SUPT3H: variants seen among roughly 807,000 people sequenced by gnomAD.
SUPT3H encodes the protein SPT3 homolog, SAGA and STAGA complex component.
In SUPT3H, 44 loss-of-function variants were observed where a neutral mutation model predicts 44.3. That is an observed-to-expected ratio of 0.99 (90% CI 0.78 to 1.28). The LOEUF (loss-of-function observed/expected upper bound fraction) is 1.28, where lower values mean the gene tolerates loss of function less well. SUPT3H is among the 50% of genes most tolerant of loss of function. The probability of loss-of-function intolerance (pLI) is 0.00; values close to 1 mark genes in which losing one functional copy is unlikely to be tolerated. For missense variants in SUPT3H, 380 were observed against 387.1 expected, an observed-to-expected ratio of 0.98 and a Z score of 0.15; for synonymous variants, 124 against 125.6, an observed-to-expected ratio of 0.99 and a Z score of 0.09.
At chr6:45,201,495 C>T (rs1200598408) in intron 2 of SUPT3H, among the ~76,000 whole-genome samples, 1 of 151,706 alleles carries the variant, frequency 6.6e-6, no homozygotes, top group Non-Finnish European at 1.5e-5. Flanking sequence ...TATATCAACA[C>T]ACTCTGTAAA....
Position 44,948,171 on chromosome 6 carries a change from G to A in SUPT3H, c.801+5139C>T, listed in dbSNP as rs141421610. On this transcript the variant is annotated intron_variant, in intron 9 of 10. Transcript: ENST00000371459. ...TCCATTGGTGTATATCTCTGTTTTGGTACCAGTACCATTCTGTTTTGGTTA... is the reference window on the plus strand; with the variant it reads ...TCCATTGGTGTATATCTCTGTTTTGATACCAGTACCATTCTGTTTTGGTTA... Among the ~76,000 whole-genome samples, 16 of 152,066 alleles carry A rather than the reference G, an allele frequency of 1.1e-4. No homozygotes were observed. The East Asian group carries it at 3.1e-3, about 29-fold the overall frequency.
chr6:45,155,398 G>A (rs1179655246), intron 2 of SUPT3H, among the ~76,000 whole-genome samples: 1 of 152,062 alleles, frequency 6.6e-6, no homozygotes, highest in African/African-American at 2.4e-5. Flanking sequence ...TGGGGGAAAG[G>A]GAGATGAGGG....
At chr6:45,288,577 ATATATG>A in intron 2 of SUPT3H, among the ~76,000 whole-genome samples, 1 of 35,904 alleles carries the variant, frequency 2.8e-5, no homozygotes, top group African/African-American at 7.7e-5. Context: ...ATATATATAT[ATATATG>A]TATATATATA....
At chr6:44,820,794 A>G (rs1262770565) in intron 11 of SUPT3H, among the ~76,000 whole-genome samples, 1 of 152,204 alleles carries the variant, frequency 6.6e-6, no homozygotes, top group African/African-American at 2.4e-5. Flanking sequence ...GATGTGCTAG[A>G]GCAGGGGTTG....
intron 3 of SUPT3H, among the ~76,000 whole-genome samples, chr6:45,031,431 T>G (rs1231847317): frequency 1.3e-5 from 2 of 152,228 alleles, no homozygotes; most frequent in African/African-American, 4.8e-5. Flanking sequence ...AAATGTAAGC[T>G]AACTTTCATC....
At chr6:45,295,548 A>AAAAAAAAAAAAAAAAAAAAAAAAAAC (rs1554330142) in intron 2 of SUPT3H, among the ~76,000 whole-genome samples, 1 of 90,248 alleles carries the variant, frequency 1.1e-5, no homozygotes, top group Non-Finnish European at 2.2e-5. Context: ...AAAAAAAAAA[A>AAAAAAAAAAAAAAAAAAAAAAAAAAC]AAAAAACAGC....
chr6:45,137,030 G>A (rs1027681002), intron 2 of SUPT3H, among the ~76,000 whole-genome samples: 1 of 151,942 alleles, frequency 6.6e-6, no homozygotes, highest in African/African-American at 2.4e-5. Flanking sequence ...TCCATACAAG[G>A]GAATTACAAC....
rs546306932 is a variant in SUPT3H, at chr6:45,093,419, A to G, written c.186+12503T>C. ...TAACTGTTATTTTCTTCTTTTCTGCAGAAACTTAACACTAATCAAGAGTAA... is the reference window on the plus strand; with the variant it reads ...TAACTGTTATTTTCTTCTTTTCTGCGGAAACTTAACACTAATCAAGAGTAA... On this transcript the variant is annotated intron_variant, in intron 3 of 10. Coordinates refer to ENST00000371459, the MANE Select transcript of SUPT3H (RefSeq NM_003599.4). 5.9e-5 allele frequency among the ~76,000 whole-genome samples: 9 copies of G among 152,272 alleles called. No homozygotes were observed. In the East Asian group the frequency reaches 1.5e-3, roughly 26 times the overall value.
intron 2 of SUPT3H, among the ~76,000 whole-genome samples, chr6:45,228,246 T>C (rs1355310713): frequency 6.6e-6 from 1 of 152,238 alleles, no homozygotes; most frequent in Non-Finnish European, 1.5e-5. Flanking sequence ...AGTTATTCTA[T>C]GAGAATGTTT....
rs1478370828 is a variant in SUPT3H at position 45,075,407 on chromosome 6, T to G, written c.186+30515A>C. Among the ~76,000 whole-genome samples, 3 of 152,120 alleles carry G rather than the reference T, an allele frequency of 2.0e-5. No individual in the cohort carries two copies. In the South Asian group the frequency reaches 6.2e-4, roughly 32 times the overall value. On this transcript the variant is annotated intron_variant, in intron 3 of 10. Coordinates refer to ENST00000371459, the MANE Select transcript of SUPT3H (RefSeq NM_003599.4). ...TGGTATTTGTGAGCAATACTTAGGT[T>G]TCTCCAGACTAGAACATTTCCAACA...
At chr6:45,117,189 C>T (rs1183695541) in intron 2 of SUPT3H, among the ~76,000 whole-genome samples, 2 of 151,886 alleles carry the variant, frequency 1.3e-5, no homozygotes, top group African/African-American at 4.8e-5. Flanking sequence ...AAGTCATAGG[C>T]CAATTATAAA....
chr6:45,256,659 A>G (rs879088941), intron 2 of SUPT3H, among the ~76,000 whole-genome samples: 1 of 152,102 alleles, frequency 6.6e-6, no homozygotes, highest in South Asian at 2.1e-4. Context: ...TGTTGGTATA[A>G]ATTTCCCAAT....
At chr6:44,894,497 G>A (rs979289733) in intron 10 of SUPT3H, among the ~76,000 whole-genome samples, 5 of 152,238 alleles carry the variant, frequency 3.3e-5, no homozygotes, top group Non-Finnish European at 7.4e-5. Context: ...CCCATTGCTT[G>A]TTTTTCTCAG....
intron 10 of SUPT3H, among the ~76,000 whole-genome samples, chr6:44,879,803 C>T (rs961263547): frequency 1.3e-5 from 2 of 152,164 alleles, no homozygotes; most frequent in Non-Finnish European, 2.9e-5. Context: ...GAGTGGACCT[C>T]CAGCATACTC....
chr6:45,291,023 C>T (rs968697911), intron 2 of SUPT3H, among the ~76,000 whole-genome samples: 2 of 152,126 alleles, frequency 1.3e-5, no homozygotes, highest in Admixed American at 6.6e-5. Context: ...GACCCACAGA[C>T]CCCCTGAAGG....
chr6:44,974,035 C>T (rs1054257997), intron 6 of SUPT3H, among the ~76,000 whole-genome samples: 19 of 152,124 alleles, frequency 1.2e-4, no homozygotes, highest in Admixed American at 6.5e-5. Flanking sequence ...CCTAATGAGT[C>T]TTCCTGCTAT....
intron 2 of SUPT3H, among the ~76,000 whole-genome samples, chr6:45,227,256 A>G (rs748324322): frequency 2.6e-5 from 4 of 151,736 alleles, no homozygotes; most frequent in Non-Finnish European, 5.9e-5. Flanking sequence ...AATTTCTGGA[A>G]TTAAAATAAT....
chr6:45,371,715 T>G lies in SUPT3H; in HGVS notation c.-1+6053A>C, dbSNP rs184492665. ...AAGTTATCTTGGAGACTGATGACTT[T>G]AAACACTCAGTTAAGAAATTCTTTG... On this transcript the variant is annotated intron_variant, in intron 1 of 10. Coordinates refer to ENST00000371459, the MANE Select transcript of SUPT3H (RefSeq NM_003599.4). Among the ~76,000 whole-genome samples, 82 of 152,316 alleles carry G rather than the reference T, an allele frequency of 5.4e-4. 1 individual carries two copies. Among genetic ancestry groups the G allele is most frequent in the African/African-American group, 1.9e-3 (81 of 41,572 alleles).
chr6:45,058,056 C>T lies in SUPT3H; in HGVS notation c.187-37424G>A, dbSNP rs574210239. ...AGTTAAAAGTATCTTTTTAGACACA[C>T]GAATGTGAGAAAATTATGGGGTGCT... On this transcript the variant is annotated intron_variant, in intron 3 of 10. Transcript: ENST00000371459. 3.9e-5 allele frequency among the ~76,000 whole-genome samples: 6 copies of T among 152,028 alleles called. 1 individual carries two copies. The highest frequency in any genetic ancestry group is 7.2e-5 in the African/African-American group (3 of 41,496).
Sources: gnomAD v4.1 joint callset for allele counts (sites outside exome capture counted in the v4.1 genomes callset) on GRCh38, gnomAD v4.1.1 for gene constraint, MANE v1.5 for transcripts, NCBI Gene and HGNC (gene_info 2026-07-23, HGNC 2026-07-21) for gene names.